The following DGCR2 variants were observed in gnomAD, a reference collection of about 807,000 sequenced individuals.
DGCR2 encodes the protein DiGeorge syndrome critical region gene 2.
In DGCR2, 24 loss-of-function variants were observed where a neutral mutation model predicts 51.6. The observed-to-expected ratio is 0.47, with a 90% CI of 0.34 to 0.65. The LOEUF (loss-of-function observed/expected upper bound fraction) is 0.65. Ranked by LOEUF, DGCR2 falls within the 30% of genes least tolerant of loss-of-function variation. DGCR2 has a pLI of 0.01. For synonymous variants in DGCR2, 340 were observed against 315.4 expected (o/e 1.08, Z -0.82); for missense variants, 765 against 772.1 (o/e 0.99, Z 0.11).
At chr22:19,065,597 G>GA (rs1446429486) in intron 3 of DGCR2, among the ~76,000 whole-genome samples, 1 of 152,054 alleles carries the variant, frequency 6.6e-6, no homozygotes, top group Non-Finnish European at 1.5e-5. Flanking sequence ...TCCCACAGCC[G>GA]AAAAAAATAA....
intron 2 of DGCR2, among the ~76,000 whole-genome samples, chr22:19,078,212 C>T (rs1263726246): frequency 6.6e-6 from 1 of 152,172 alleles, no homozygotes; most frequent in Non-Finnish European, 1.5e-5. Flanking sequence ...TTAGTACAGA[C>T]AGACCCCCAA....
intron 5 of DGCR2, among the ~76,000 whole-genome samples, chr22:19,062,779 A>ACTCGCTCACT (rs2082688729): frequency 1.6e-5 from 2 of 127,354 alleles, no homozygotes; most frequent in South Asian, 5.7e-4. Context: ...ATGCATGCTC[A>ACTCGCTCACT]CTCTCTCTCT....
At chr22:19,043,572 G>A (rs1167356437) in intron 7 of DGCR2, among the ~76,000 whole-genome samples, 1 of 152,166 alleles carries the variant, frequency 6.6e-6, no homozygotes, top group Non-Finnish European at 1.5e-5. Context: ...GACCAAGAGT[G>A]AAGGCCAGGG....
At chr22:19,086,249 G>A (rs756378216) in intron 2 of DGCR2, among the ~76,000 whole-genome samples, 2 of 151,924 alleles carry the variant, frequency 1.3e-5, no homozygotes, top group Non-Finnish European at 2.9e-5. Flanking sequence ...AGGCCGAGGA[G>A]AGCGGATCAC....
chr22:19,069,222 TC>T (rs1341278805), intron 2 of DGCR2, among the ~76,000 whole-genome samples: 1 of 152,124 alleles, frequency 6.6e-6, no homozygotes, highest in African/African-American at 2.4e-5. Flanking sequence ...GGGCCTCGGC[TC>T]CCCAAGGGAG....
In DGCR2 at chr22:19,038,840, A is replaced by G. The variant is rs2082399168; in HGVS notation, c.*25T>C. ...TTCTACAACAGACAGGTGCTCCCAG[A>G]CCGTTGGGGTACAGGCCAGGCCGTC... On this transcript the variant is annotated 3_prime_UTR_variant, in exon 10 of 10. Coordinates refer to ENST00000263196, the MANE Select transcript of DGCR2 (RefSeq NM_005137.3). The G allele has an allele frequency of 6.2e-7, 1 of 1,602,294 alleles. No individual in the cohort carries two copies. Among genetic ancestry groups the G allele is most frequent in the Non-Finnish European group, 8.5e-7 (1 of 1,172,740 alleles).
rs556586537 is a variant in DGCR2, at chr22:19,104,711, G to A, written c.80-15221C>T. Among the ~76,000 whole-genome samples the A allele has an allele frequency of 1.8e-4, 27 of 152,324 alleles. No homozygotes were observed. The South Asian group carries it at 5.4e-3, about 30-fold the overall frequency. Reference sequence around the variant, plus strand: ...ATGCCCTGCTGGAGTGCCCAGAACAGAAGGTTCCAGCATCCCTGGCAGGCC... The same window carrying A: ...ATGCCCTGCTGGAGTGCCCAGAACAAAAGGTTCCAGCATCCCTGGCAGGCC... On this transcript the variant is annotated intron_variant, in intron 1 of 9. Transcript: ENST00000263196.
intron 1 of DGCR2, among the ~76,000 whole-genome samples, chr22:19,102,070 T>C (rs1205074200): frequency 1.3e-5 from 2 of 151,990 alleles, no homozygotes; most frequent in African/African-American, 4.8e-5. Flanking sequence ...CAAAAGTGAA[T>C]GTGATCAGCC....
intron 1 of DGCR2, among the ~76,000 whole-genome samples, chr22:19,095,948 G>A (rs1002205272): frequency 6.6e-5 from 10 of 151,922 alleles, no homozygotes; most frequent in Non-Finnish European, 1.3e-4. Context: ...TCTCACCCCC[G>A]CCATCCATAC....
chr22:19,047,535 C>T (rs1191899200), intron 7 of DGCR2: 1 of 152,116 alleles, frequency 6.6e-6, no homozygotes. Flanking sequence ...GAAACTCATA[C>T]TTTTGATTTA....
chr22:19,056,954 T>C (rs999990667), intron 6 of DGCR2, 32 bp downstream of exon 6: 1 of 1,538,242 alleles, frequency 6.5e-7, no homozygotes, highest in Middle Eastern at 1.7e-4. Context: ...GGCCCAGACA[T>C]TCCCCAAGAA....
chr22:19,048,617 T>A lies in DGCR2; in HGVS notation c.829A>T (p.Asn277Tyr). 6.2e-7 allele frequency: 1 copy of A among 1,614,242 alleles called. No homozygotes were observed. Among genetic ancestry groups the A allele is most frequent in the South Asian group, 1.1e-5 (1 of 91,090 alleles). Reference protein sequence around the residue: ...RSQTCVDIKDNVVDEGFYFTP... With the variant: ...RSQTCVDIKDYVVDEGFYFTP... The stretch of plus-strand genomic sequence containing the variant: ...AAGTAGAACCCTTCATCCACCACGT[T>A]GTCCTTGATGTCAACACATGTTTGA... Residue 277 changes from asparagine to tyrosine, a missense_variant, in exon 7 of 10, where the codon AAC (asparagine) becomes TAC (tyrosine). Around this residue, in one of 3 missense-constraint regions of DGCR2, gnomAD observed 190 missense variants for 265.2 expected, o/e 0.72. Transcript: ENST00000263196.
At position 19,057,984 on chromosome 22, in the gene DGCR2, G is replaced by T. The variant is rs1167450538; in HGVS notation, c.626-822C>A. 6.6e-6 allele frequency among the ~76,000 whole-genome samples: 1 copy of T among 152,152 alleles called. No individual in the cohort carries two copies. Among genetic ancestry groups the T allele is most frequent in the Non-Finnish European group, 1.5e-5 (1 of 68,010 alleles). On this transcript the variant is annotated intron_variant, in intron 5 of 9. Transcript: ENST00000263196. This position sits in a 1 kb window ranked among gnomAD's most constrained non-coding sequence, Gnocchi z 5.1. ...TGAGGCTTACCCGACCAGGATCAAT[G>T]GAAACACAAAGCAACCTTTCCAAGA...
At chr22:19,081,025 C>T (rs1415845814) in intron 2 of DGCR2, among the ~76,000 whole-genome samples, 3 of 152,182 alleles carry the variant, frequency 2.0e-5, no homozygotes, top group African/African-American at 7.2e-5. Context: ...GGCTGCTGGG[C>T]AAACTGCTTA....
intron 7 of DGCR2, chr22:19,046,581 CTTGTT>C: frequency 5.2e-6 from 1 of 191,564 alleles, no homozygotes; most frequent in Non-Finnish European, 1.2e-5. Flanking sequence ...ACACTCTTAG[CTTGTT>C]GGAGGGGACA....
intron 2 of DGCR2, among the ~76,000 whole-genome samples, chr22:19,080,277 GCTGT>G (rs1264775032): frequency 6.6e-6 from 1 of 152,178 alleles, no homozygotes; most frequent in African/African-American, 2.4e-5. Flanking sequence ...GACTTTAAGT[GCTGT>G]CTAATAGAAA....
chr22:19,087,398 C>CA (rs2083029043), intron 2 of DGCR2, among the ~76,000 whole-genome samples: 1 of 151,550 alleles, frequency 6.6e-6, no homozygotes, highest in East Asian at 1.9e-4. Flanking sequence ...GCATTCTTTT[C>CA]TTTTTTTTTG....
intron 1 of DGCR2, among the ~76,000 whole-genome samples, chr22:19,097,000 T>C (rs1394675419): frequency 6.6e-6 from 1 of 152,008 alleles, no homozygotes; most frequent in Non-Finnish European, 1.5e-5. Flanking sequence ...CCAGAAAAAC[T>C]TCAATGCACT....
intron 1 of DGCR2, among the ~76,000 whole-genome samples, chr22:19,103,963 A>G (rs1213178634): frequency 1.3e-5 from 2 of 152,082 alleles, no homozygotes; most frequent in African/African-American, 4.8e-5. Flanking sequence ...TCAAGGTTAC[A>G]GTGAGCTATG....
Sources: gnomAD v4.1 joint callset for allele counts (sites outside exome capture counted in the v4.1 genomes callset) on GRCh38, gnomAD v4.1.1 for gene constraint, gnomAD v4.1.1 regional missense constraint, Gnocchi (gnomAD v3.1) non-coding constraint, MANE v1.5 for transcripts, NCBI Gene and HGNC (gene_info 2026-07-23, HGNC 2026-07-21) for gene names.